LRMDA: variants seen among roughly 807,000 people sequenced by gnomAD.
LRMDA encodes the protein leucine rich melanocyte differentiation associated.
LRMDA carries 18 observed loss-of-function variants against 29.8 expected under a neutral mutation model. That is an observed-to-expected ratio of 0.60 (90% CI 0.42 to 0.90). The LOEUF is 0.90. LRMDA is among the 40% of genes least tolerant of loss of function. The pLI, the probability that LRMDA is intolerant of heterozygous loss-of-function variation, is 0.00. For synonymous variants in LRMDA, 125 were observed against 109.4 expected, an observed-to-expected ratio of 1.14 and a Z score of -0.89; for missense variants, 273 against 273.9, an observed-to-expected ratio of 1.00 and a Z score of 0.02.
intron 2 of LRMDA, among the ~76,000 whole-genome samples, chr10:75,572,836 G>C (rs1840454620): frequency 6.6e-6 from 1 of 152,124 alleles, no homozygotes; most frequent in Non-Finnish European, 1.5e-5. Flanking sequence ...TGATCCAGTA[G>C]TACTAGTGTC....
intron 5 of LRMDA, among the ~76,000 whole-genome samples, chr10:76,186,465 A>C (rs1450536200): frequency 6.6e-6 from 1 of 152,216 alleles, no homozygotes; most frequent in Non-Finnish European, 1.5e-5. Context: ...TAGGCTATAT[A>C]GAAGGAAGGC....
chr10:75,618,870 C>A (rs556319753), intron 2 of LRMDA, among the ~76,000 whole-genome samples: 1 of 151,002 alleles, frequency 6.6e-6, no homozygotes, highest in Admixed American at 6.6e-5. Context: ...TTTGCCTTTG[C>A]CTCCCAGGTT....
intron 5 of LRMDA, among the ~76,000 whole-genome samples, chr10:76,205,536 A>G (rs1054870384): frequency 3.9e-5 from 6 of 152,192 alleles, no homozygotes; most frequent in African/African-American, 1.4e-4. Context: ...GAAATTGGGA[A>G]ATTTGGGTCA....
rs182482377 is a variant in LRMDA, at chr10:75,641,058, T to C, written c.131+202564T>C. Among the ~76,000 whole-genome samples the C allele has an allele frequency of 2.0e-5, 3 of 152,292 alleles. No individual in the cohort carries two copies. In the East Asian group the frequency reaches 5.8e-4, roughly 29 times the overall value. Reference sequence around the variant, plus strand: ...AGGAAGTAGAGGTGGAAAAACACTTTATGGAGAGTCAGAGACCTGGGTTTA... The same window carrying C: ...AGGAAGTAGAGGTGGAAAAACACTTCATGGAGAGTCAGAGACCTGGGTTTA... On this transcript the variant is annotated intron_variant, in intron 2 of 6. Coordinates refer to ENST00000611255, the MANE Select transcript of LRMDA (RefSeq NM_001305581.2).
At chr10:76,128,969 G>A (rs1448298880) in intron 5 of LRMDA, among the ~76,000 whole-genome samples, 1 of 152,118 alleles carries the variant, frequency 6.6e-6, no homozygotes, top group African/African-American at 2.4e-5. Context: ...TCTATCCTAA[G>A]TAAAATAAAC....
intron 2 of LRMDA, among the ~76,000 whole-genome samples, chr10:75,779,465 C>T (rs1173942637): frequency 6.6e-6 from 1 of 152,170 alleles, no homozygotes; most frequent in Non-Finnish European, 1.5e-5. Context: ...TCAGCAAGAG[C>T]AACCTAAAAG....
intron 6 of LRMDA, among the ~76,000 whole-genome samples, chr10:76,329,606 T>C (rs1417267912): frequency 1.3e-5 from 2 of 152,224 alleles, no homozygotes; most frequent in Admixed American, 1.3e-4. Flanking sequence ...ATTGACACAG[T>C]TGTTAGGTAC....
intron 6 of LRMDA, among the ~76,000 whole-genome samples, chr10:76,394,059 C>G (rs1196073951): frequency 6.6e-6 from 1 of 152,154 alleles, no homozygotes; most frequent in Non-Finnish European, 1.5e-5. Flanking sequence ...CAGAAGAACA[C>G]AGGATACACC....
At chr10:76,429,472 G>C (rs141121499) in intron 6 of LRMDA, among the ~76,000 whole-genome samples, 17 of 152,258 alleles carry the variant, frequency 1.1e-4, no homozygotes, top group Admixed American at 9.8e-4. Flanking sequence ...GTGATTGGAC[G>C]TGGAGAGCAG....
chr10:75,762,200 G>A (rs1843106226), intron 2 of LRMDA, among the ~76,000 whole-genome samples: 1 of 152,142 alleles, frequency 6.6e-6, no homozygotes, highest in African/African-American at 2.4e-5. Context: ...ATTAGGCATT[G>A]TTATTTTTTG....
intron 2 of LRMDA, among the ~76,000 whole-genome samples, chr10:75,531,198 G>A (rs972736284): frequency 6.6e-6 from 1 of 152,164 alleles, no homozygotes; most frequent in Non-Finnish European, 1.5e-5. Flanking sequence ...AGACAGACAC[G>A]ACCACAGGGA....
chr10:76,016,024 A>G (rs1417911928), intron 2 of LRMDA, among the ~76,000 whole-genome samples: 2 of 152,190 alleles, frequency 1.3e-5, no homozygotes, highest in East Asian at 1.9e-4. Flanking sequence ...ATATAATCAT[A>G]TATTGCTTTG....
intron 5 of LRMDA, among the ~76,000 whole-genome samples, chr10:76,217,335 T>C (rs1278997125): frequency 6.6e-6 from 1 of 152,192 alleles, no homozygotes; most frequent in African/African-American, 2.4e-5. Flanking sequence ...AGCTTCAACA[T>C]TAACAATCCT....
At chr10:76,454,639 T>C (rs890092734) in intron 6 of LRMDA, among the ~76,000 whole-genome samples, 6 of 115,066 alleles carry the variant, frequency 5.2e-5, no homozygotes, top group Non-Finnish European at 8.5e-5. Context: ...CGCCCGACTT[T>C]GACTTCCTTT....
chr10:76,361,652 C>G (rs1448522704), intron 6 of LRMDA, among the ~76,000 whole-genome samples: 1 of 152,058 alleles, frequency 6.6e-6, no homozygotes, highest in Non-Finnish European at 1.5e-5. Flanking sequence ...TATTCTACTC[C>G]AATATGTGCC....
intron 2 of LRMDA, among the ~76,000 whole-genome samples, chr10:75,498,555 C>T (rs1347161389): frequency 6.6e-6 from 1 of 152,248 alleles, no homozygotes; most frequent in East Asian, 1.9e-4. Context: ...TTGCATCCAG[C>T]CCTGTGTCAC....
chr10:76,104,843 C>T (rs889288874), intron 5 of LRMDA, among the ~76,000 whole-genome samples: 11 of 152,062 alleles, frequency 7.2e-5, no homozygotes, highest in South Asian at 4.1e-4. Flanking sequence ...CTTGCCCTGT[C>T]TCATGTCCCT....
chr10:75,663,665 C>T (rs1362523442), intron 2 of LRMDA, among the ~76,000 whole-genome samples: 1 of 152,210 alleles, frequency 6.6e-6, no homozygotes, highest in Admixed American at 6.5e-5. Flanking sequence ...CTCACCCTCT[C>T]TGGTTCTGAC....
At chr10:76,462,898 T>C (rs1470365615) in intron 6 of LRMDA, among the ~76,000 whole-genome samples, 1 of 152,202 alleles carries the variant, frequency 6.6e-6, no homozygotes, top group Admixed American at 6.5e-5. Context: ...TGTTCCCCTG[T>C]GCAAATGCTG....
Sources: allele counts gnomAD v4.1 joint callset (sites outside exome capture counted in the v4.1 genomes callset), GRCh38; gene constraint gnomAD v4.1.1; transcripts MANE v1.5; gene names NCBI Gene and HGNC (gene_info 2026-07-23, HGNC 2026-07-21).